PPP1R14C: variants seen among roughly 807,000 people sequenced by gnomAD.
The protein encoded by PPP1R14C is protein phosphatase 1 regulatory subunit 14C.
PPP1R14C carries 16 observed loss-of-function variants against 20.4 expected under a neutral mutation model. The ratio of observed to expected loss-of-function variants is 0.78; its 90% CI spans 0.53 to 1.19. The LOEUF is 1.19. Among genes scored for constraint, PPP1R14C ranks in the 50% most tolerant of loss-of-function variants. The pLI is 0.00. For synonymous variants in PPP1R14C, 91 were observed against 91.0 expected (o/e 1.00, Z 0.00); for missense variants, 211 against 220.1 (o/e 0.96, Z 0.26).
At chr6:150,164,064 C>G (rs1777399917) in intron 1 of PPP1R14C, among the ~76,000 whole-genome samples, 1 of 152,168 alleles carries the variant, frequency 6.6e-6, no homozygotes, top group Non-Finnish European at 1.5e-5. Flanking sequence ...TTTCATTTAG[C>G]CGTCTGTTAT....
intron 1 of PPP1R14C, among the ~76,000 whole-genome samples, chr6:150,195,618 G>A (rs758899120): frequency 2.0e-5 from 3 of 152,192 alleles, no homozygotes; most frequent in Non-Finnish European, 4.4e-5. Flanking sequence ...GGGATTACAG[G>A]CATGAACCAC....
intron 3 of PPP1R14C, among the ~76,000 whole-genome samples, chr6:150,236,654 T>TGTGCG (rs1778365173): frequency 6.7e-6 from 1 of 149,710 alleles, no homozygotes; most frequent in Non-Finnish European, 1.5e-5. Flanking sequence ...TGTGTGTGTT[T>TGTGCG]AGCCAGGAGG....
intron 1 of PPP1R14C, among the ~76,000 whole-genome samples, chr6:150,183,383 A>G (rs1276978265): frequency 2.6e-5 from 4 of 152,234 alleles, no homozygotes; most frequent in African/African-American, 9.6e-5. Context: ...AAAAATAAAC[A>G]TATTTTGTGT....
At chr6:150,167,286 T>C (rs373454674) in intron 1 of PPP1R14C, among the ~76,000 whole-genome samples, 14 of 151,922 alleles carry the variant, frequency 9.2e-5, no homozygotes, top group African/African-American at 3.4e-4. Context: ...GAGAATTGCT[T>C]GAACCCAGGA....
intron 1 of PPP1R14C, among the ~76,000 whole-genome samples, chr6:150,186,692 G>C (rs562739118): frequency 6.6e-6 from 1 of 152,316 alleles, no homozygotes; most frequent in South Asian, 2.1e-4. Flanking sequence ...CAGGGCCTGA[G>C]GCGGGGGATG....
At chr6:150,188,482 C>CTTTTTTT (rs753993224) in intron 1 of PPP1R14C, among the ~76,000 whole-genome samples, 1 of 104,978 alleles carries the variant, frequency 9.5e-6, no homozygotes, top group Non-Finnish European at 1.8e-5. Flanking sequence ...CAGGAATTAC[C>CTTTTTTT]TTTTTTTTTT....
At position 150,247,328 on chromosome 6, in the gene PPP1R14C, G is replaced by A. The variant is rs1026101677; in HGVS notation, c.424-1418G>A. Among the ~76,000 whole-genome samples, 3 of 152,180 alleles carry A rather than the reference G, an allele frequency of 2.0e-5. No individual in the cohort carries two copies. The South Asian group carries it at 6.2e-4, about 32-fold the overall frequency. ...GATCAGAAAGTCTGATTGGCTGTTA[G>A]CTTTGTATTTGACAAATATAAAACA... On this transcript the variant is annotated intron_variant, in intron 3 of 3. Coordinates refer to ENST00000361131, the MANE Select transcript of PPP1R14C (RefSeq NM_030949.3).
At chr6:150,182,400 G>C (rs1777632172) in intron 1 of PPP1R14C, among the ~76,000 whole-genome samples, 1 of 152,332 alleles carries the variant, frequency 6.6e-6, no homozygotes, top group Admixed American at 6.5e-5. Context: ...AGTAGATTGG[G>C]TATTTGGTGA....
intron 1 of PPP1R14C, among the ~76,000 whole-genome samples, chr6:150,180,936 T>G (rs2114878606): frequency 6.6e-6 from 1 of 152,358 alleles, no homozygotes; most frequent in South Asian, 2.1e-4. Flanking sequence ...GTCCACATTC[T>G]TCTTACAGTG....
intron 1 of PPP1R14C, among the ~76,000 whole-genome samples, chr6:150,144,277 G>C (rs1445782015): frequency 6.6e-6 from 1 of 152,242 alleles, no homozygotes; most frequent in Admixed American, 6.5e-5. Context: ...CAGGCTCCCA[G>C]CTCCCCTCTC....
intron 1 of PPP1R14C, among the ~76,000 whole-genome samples, chr6:150,155,814 C>T (rs1777298996): frequency 6.6e-6 from 1 of 151,658 alleles, no homozygotes; most frequent in Non-Finnish European, 1.5e-5. Context: ...CACTTGAGGT[C>T]AGGAGTTTGA....
intron 3 of PPP1R14C, among the ~76,000 whole-genome samples, chr6:150,238,845 A>G (rs754453502): frequency 9.2e-5 from 14 of 152,274 alleles, no homozygotes; most frequent in African/African-American, 2.9e-4. Context: ...GTAATGAACT[A>G]GAATATCAGT....
chr6:150,211,819 C>T (rs180944167), intron 1 of PPP1R14C, among the ~76,000 whole-genome samples: 20 of 152,244 alleles, frequency 1.3e-4, no homozygotes, highest in Non-Finnish European at 2.1e-4. Context: ...GAGCTGGGAG[C>T]GGGATGCCTT....
At chr6:150,240,245 AG>A (rs1318784837) in intron 3 of PPP1R14C, among the ~76,000 whole-genome samples, 18 of 152,220 alleles carry the variant, frequency 1.2e-4, no homozygotes, top group Admixed American at 1.1e-3. Flanking sequence ...ATTATGCACA[AG>A]CTTGTGCCAG....
chr6:150,246,972 C>T (rs551234769), intron 3 of PPP1R14C, among the ~76,000 whole-genome samples: 7 of 152,114 alleles, frequency 4.6e-5, no homozygotes, highest in African/African-American at 1.7e-4. Context: ...ATATTAATAG[C>T]AGTTAATTCT....
chr6:150,188,510 G>A (rs185044142), intron 1 of PPP1R14C, among the ~76,000 whole-genome samples: 1,659 of 121,100 alleles, frequency 0.014, 31 homozygotes, highest in African/African-American at 0.051. Context: ...TTTTTGAGAC[G>A]GAGTCTCGCC....
At chr6:150,209,004 A>G (rs1777987212) in intron 1 of PPP1R14C, among the ~76,000 whole-genome samples, 1 of 152,168 alleles carries the variant, frequency 6.6e-6, no homozygotes, top group Admixed American at 6.5e-5. Flanking sequence ...GTTTGCTCCC[A>G]TAGGCCTATA....
chr6:150,171,668 A>C (rs76762224), intron 1 of PPP1R14C, among the ~76,000 whole-genome samples: 2 of 152,162 alleles, frequency 1.3e-5, no homozygotes, highest in African/African-American at 4.8e-5. Context: ...TTCTCATGCA[A>C]ACAGCCTGAT....
At chr6:150,246,172 G>T (rs1194005495) in intron 3 of PPP1R14C, among the ~76,000 whole-genome samples, 6 of 151,918 alleles carry the variant, frequency 3.9e-5, no homozygotes, top group Admixed American at 6.6e-5. Context: ...GAAGAGAAAG[G>T]GTCTGTAGGG....
Sources: gnomAD v4.1 joint callset for allele counts (sites outside exome capture counted in the v4.1 genomes callset) on GRCh38, gnomAD v4.1.1 for gene constraint, MANE v1.5 for transcripts, NCBI Gene and HGNC (gene_info 2026-07-23, HGNC 2026-07-21) for gene names.